POLR1H: variants seen among roughly 807,000 people sequenced by gnomAD.
POLR1H encodes DNA-directed RNA polymerase I subunit RPA12.
Under a neutral mutation model 15.8 loss-of-function variants are expected in POLR1H, and 5 were observed. The observed-to-expected ratio is 0.32, with a 90% CI of 0.17 to 0.67. The LOEUF is 0.67. Among genes scored for constraint, POLR1H ranks in the 30% least tolerant of loss-of-function variants. POLR1H has a pLI of 0.74. For synonymous variants in POLR1H, 43 were observed against 58.3 expected (o/e 0.74, Z 1.20); for missense variants, 100 against 163.4 (o/e 0.61, Z 2.11).
At position 30,063,739 on chromosome 6, in the gene POLR1H, C is replaced by T. The variant is rs1198515024; in HGVS notation, c.357-934C>T. Among the ~76,000 whole-genome samples the T allele has an allele frequency of 6.6e-6, 1 of 152,036 alleles. No homozygotes were observed. Among genetic ancestry groups the T allele is most frequent in the African/African-American group, 2.4e-5 (1 of 41,386 alleles). On this transcript the variant is annotated intron_variant, in intron 3 of 3. Coordinates refer to ENST00000332435, the MANE Select transcript of POLR1H (RefSeq NM_170783.4). The surrounding 1 kb of genome is among the most constrained non-coding windows in gnomAD (Gnocchi z 4.1). The stretch of plus-strand genomic sequence containing the variant: ...AGGCCTTGGGCGAGTGCTGTATTCT[C>T]AGCATTTGTGTTTCTTTTCTAGGTG...
In POLR1H at chr6:30,062,280, G is replaced by A. The variant is rs10745; in HGVS notation, c.303G>A (p.Gln101=). Residue 101 remains glutamine, a synonymous_variant, in exon 3 of 4, where the codon CAG becomes CAA. Transcript: ENST00000332435. ...GHEGMAYHTR[Q]MRSADEGQTV... ...AAGGAATGGCATACCACACCAGACA[G>A]ATGCGTTCAGCCGATGAAGGGCAAA... 0.049 allele frequency: 78,973 copies of A among 1,612,958 alleles called. 2,395 individuals carry two copies. Among genetic ancestry groups the A allele is most frequent in the East Asian group, 0.07 (3,120 of 44,878 alleles).
In POLR1H at chr6:30,061,690, G is replaced by T; in HGVS notation, c.145+21G>T. 3 of 1,612,200 alleles carry T rather than the reference G, an allele frequency of 1.9e-6. No homozygotes were observed. The highest frequency in any genetic ancestry group is 2.5e-6 in the Non-Finnish European group (3 of 1,179,356). Reference sequence around the variant, plus strand: ...TCGGGGTGAGAGGCTTGTACGCAGGGGTCCTGGCGGAGGGCGCAGGGTCGG... The same window carrying T: ...TCGGGGTGAGAGGCTTGTACGCAGGTGTCCTGGCGGAGGGCGCAGGGTCGG... On this transcript the variant is annotated intron_variant, in intron 1 of 3. Transcript: ENST00000332435. This position sits in a 1 kb window ranked among gnomAD's most constrained non-coding sequence, Gnocchi z 5.0.
At chr6:30,062,474 G>T in intron 3 of POLR1H, 141 bp downstream of exon 3, 4 of 498,758 alleles carry the variant, frequency 8.0e-6, no homozygotes, top group South Asian at 6.3e-5. Context: ...GAGATTTGTA[G>T]TTGTTTTTTA....
upstream of POLR1H, chr6:30,060,812 C>G (rs1325447401): frequency 2.0e-5 from 3 of 152,244 alleles, no homozygotes; most frequent in Non-Finnish European, 1.5e-5. Flanking sequence ...CCACGCTCGC[C>G]AGCGGGACCC....
rs979568011 is a variant in POLR1H at position 30,063,032 on chromosome 6, T to G, written c.356+699T>G. Among the ~76,000 whole-genome samples, 1 of 152,142 alleles carries G rather than the reference T, an allele frequency of 6.6e-6. No homozygotes were observed. Among genetic ancestry groups the G allele is most frequent in the Non-Finnish European group, 1.5e-5 (1 of 68,020 alleles). On this transcript the variant is annotated intron_variant, in intron 3 of 3. Transcript: ENST00000332435. The surrounding 1 kb of genome is among the most constrained non-coding windows in gnomAD (Gnocchi z 4.1). ...CATGACTTAGAGAACATGGGCTTTCTGAATGCTTTTAAGACCTCATTTTTG... is the reference window on the plus strand; with the variant it reads ...CATGACTTAGAGAACATGGGCTTTCGGAATGCTTTTAAGACCTCATTTTTG...
At position 30,061,726 on chromosome 6, in the gene POLR1H, A is replaced by T; in HGVS notation, c.145+57A>T. 3 of 1,607,718 alleles carry T rather than the reference A, an allele frequency of 1.9e-6. No individual in the cohort carries two copies. The Admixed American group carries it at 5.0e-5, about 27-fold the overall frequency. ...AGGGCGCAGGGTCGGAAGCTTGGGG[A>T]ACTCAAGATCGGTTGGGTTGAGGAG... On this transcript the variant is annotated intron_variant, in intron 1 of 3. Coordinates refer to ENST00000332435, the MANE Select transcript of POLR1H (RefSeq NM_170783.4). This position sits in a 1 kb window ranked among gnomAD's most constrained non-coding sequence, Gnocchi z 5.0.
Position 30,062,349 on chromosome 6 carries a change from C to T in POLR1H, c.356+16C>T, listed in dbSNP as rs1255740155. On this transcript the variant is annotated intron_variant, in intron 3 of 3. Coordinates refer to ENST00000332435, the MANE Select transcript of POLR1H (RefSeq NM_170783.4). ...CCAACTGCAAGTGAGTATTCTTTCCCCTCCCTCTGCTCAGTCTGTTTGCTA... is the reference window on the plus strand; with the variant it reads ...CCAACTGCAAGTGAGTATTCTTTCCTCTCCCTCTGCTCAGTCTGTTTGCTA... 5 of 1,525,960 alleles carry T rather than the reference C, an allele frequency of 3.3e-6. No individual in the cohort carries two copies. The highest frequency in any genetic ancestry group is 4.5e-6 in the Non-Finnish European group (5 of 1,100,828). The allele number at this position is 1,525,960 out of a possible 1,614,324, so 94.5% of individuals were successfully genotyped here.
chr6:30,062,343 CT>C lies in POLR1H; in HGVS notation c.356+13del, dbSNP rs1427742099. On this transcript the variant is annotated intron_variant, in intron 3 of 3. Transcript: ENST00000332435. ...CCTGTACCAACTGCAAGTGAGTATT[CT>C]TTCCCCTCCCTCTGCTCAGTCTGTT... 1.3e-6 allele frequency: 2 copies of C among 1,545,750 alleles called. No homozygotes were observed. The highest frequency in any genetic ancestry group is 2.2e-5 in the South Asian group (2 of 89,722).
At chr6:30,062,947 T>A (rs1765234273) in intron 3 of POLR1H, among the ~76,000 whole-genome samples, 1 of 151,734 alleles carries the variant, frequency 6.6e-6, no homozygotes, top group Non-Finnish European at 1.5e-5. Flanking sequence ...GTGGTCAGCA[T>A]CTTATACTGC....
Position 30,061,660 on chromosome 6 carries a change from A to C in POLR1H, c.136A>C (p.Asn46His), listed in dbSNP as rs745455354. The C allele has an allele frequency of 1.2e-6, 2 of 1,612,842 alleles. No individual in the cohort carries two copies. The highest frequency in any genetic ancestry group is 1.7e-6 in the Non-Finnish European group (2 of 1,180,006). ...VTCIRCGFNINVRDFEGKVVK... is the reference protein window; with the variant it reads ...VTCIRCGFNIHVRDFEGKVVK... ...CTGTATTCGCTGTGGCTTCAACATCAACGTTCGGGGTGAGAGGCTTGTACG... is the reference window on the plus strand; with the variant it reads ...CTGTATTCGCTGTGGCTTCAACATCCACGTTCGGGGTGAGAGGCTTGTACG... The change falls in exon 1 of 4, where the codon AAC becomes CAC. Residue 46 changes from asparagine (N) to histidine (H), a missense_variant. By Grantham distance (68) the Asn-to-His change is moderately conservative. Coordinates refer to ENST00000332435, the MANE Select transcript of POLR1H (RefSeq NM_170783.4). The surrounding 1 kb of genome is among the most constrained non-coding windows in gnomAD (Gnocchi z 5.0).
intron 2 of POLR1H, 80 bp downstream of exon 2, chr6:30,062,097 T>C: frequency 6.8e-7 from 1 of 1,479,624 alleles, no homozygotes; most frequent in Non-Finnish European, 9.4e-7. Context: ...CTCTGGAGAG[T>C]TTTGTGCCCA....
At position 30,061,681 on chromosome 6, in the gene POLR1H, G is replaced by C. The variant is rs376928601; in HGVS notation, c.145+12G>C. On this transcript the variant is annotated intron_variant, in intron 1 of 3. Transcript: ENST00000332435. This position sits in a 1 kb window ranked among gnomAD's most constrained non-coding sequence, Gnocchi z 5.0. ...CATCAACGTTCGGGGTGAGAGGCTTGTACGCAGGGGTCCTGGCGGAGGGCG... is the reference window on the plus strand; with the variant it reads ...CATCAACGTTCGGGGTGAGAGGCTTCTACGCAGGGGTCCTGGCGGAGGGCG... The C allele has an allele frequency of 6.4e-5, 103 of 1,612,826 alleles. No homozygotes were observed. The African/African-American group carries it at 1.2e-3, about 19-fold the overall frequency.
chr6:30,062,520 A>T (rs1208376159), intron 3 of POLR1H, among the ~76,000 whole-genome samples, 187 bp downstream of exon 3: 1 of 144,694 alleles, frequency 6.9e-6, no homozygotes, highest in Non-Finnish European at 1.5e-5. Context: ...CCTTTTTATA[A>T]CCAGTGAAAT....
chr6:30,061,542 C>T lies in POLR1H; in HGVS notation c.18C>T (p.Leu6=), dbSNP rs1406081706. 1 of 1,613,126 alleles carries T rather than the reference C, an allele frequency of 6.2e-7. No individual in the cohort carries two copies. The highest frequency in any genetic ancestry group is 2.2e-5 in the East Asian group (1 of 44,884). Residue 6 remains leucine, a synonymous_variant, in exon 1 of 4, where the codon CTC becomes CTT. Transcript: ENST00000332435. This position sits in a 1 kb window ranked among gnomAD's most constrained non-coding sequence, Gnocchi z 5.0. MSVMD[L]ANTCSSFQSD... is the part of the protein sequence containing the mutation. ...CCGACCGCATGTCTGTCATGGACCT[C>T]GCCAATACTTGCTCCAGCTTTCAGT...
chr6:30,061,505 C>T lies in POLR1H; in HGVS notation c.-20C>T. The T allele has an allele frequency of 6.2e-7, 1 of 1,611,716 alleles. No homozygotes were observed. The highest frequency in any genetic ancestry group is 8.5e-7 in the Non-Finnish European group (1 of 1,179,130). ...CTCTTTTGTTAATAAACTTCCAACT[C>T]CCTCCTCAGACCCGACCGCATGTCT... On this transcript the variant is annotated 5_prime_UTR_variant, in exon 1 of 4. Coordinates refer to ENST00000332435, the MANE Select transcript of POLR1H (RefSeq NM_170783.4). This position sits in a 1 kb window ranked among gnomAD's most constrained non-coding sequence, Gnocchi z 5.0.
chr6:30,062,090 T>C (rs1258962252), intron 2 of POLR1H, 73 bp downstream of exon 2: 1 of 1,512,664 alleles, frequency 6.6e-7, no homozygotes, highest in Non-Finnish European at 9.2e-7. Context: ...TGCAAAGCTC[T>C]GGAGAGTTTT....
Position 30,061,564 on chromosome 6 carries a change from CA to C in POLR1H, c.41del (p.Gln14ArgfsTer42), listed in dbSNP as rs745860436. ...MDLANTCSSFQSDLDFCSDCG... is the reference protein window; with the variant it reads ...MDLANTCSSFXSDLDFCSDCG... The stretch of plus-strand genomic sequence containing the variant: ...CCTCGCCAATACTTGCTCCAGCTTT[CA>C]GTCGGACCTGGATTTCTGTTCAGAT... On this transcript the variant is annotated frameshift_variant, in exon 1 of 4. Coordinates refer to ENST00000332435, the MANE Select transcript of POLR1H (RefSeq NM_170783.4). LOFTEE classifies it high-confidence loss of function. The surrounding 1 kb of genome is among the most constrained non-coding windows in gnomAD (Gnocchi z 5.0). The C allele has an allele frequency of 6.2e-7, 1 of 1,613,140 alleles. No homozygotes were observed. The highest frequency in any genetic ancestry group is 1.3e-5 in the African/African-American group (1 of 75,070).
Position 30,064,721 on chromosome 6 carries a change from G to A in POLR1H, c.*24G>A. The A allele has an allele frequency of 6.2e-7, 1 of 1,606,288 alleles. No individual in the cohort carries two copies. Reference sequence around the variant, plus strand: ...GACCTTTTTCCTGGGCAACTCTACAGTCCCTCCCTCCTTTCGGAAGGTGAA... The same window carrying A: ...GACCTTTTTCCTGGGCAACTCTACAATCCCTCCCTCCTTTCGGAAGGTGAA... On this transcript the variant is annotated 3_prime_UTR_variant, in exon 4 of 4. Transcript: ENST00000332435.
At position 30,061,816 on chromosome 6, in the gene POLR1H, G is replaced by A. The variant is rs1765098968; in HGVS notation, c.146-101G>A. 3 of 1,548,718 alleles carry A rather than the reference G, an allele frequency of 1.9e-6. No homozygotes were observed. Among genetic ancestry groups the A allele is most frequent in the Non-Finnish European group, 2.7e-6 (3 of 1,131,226 alleles). On this transcript the variant is annotated intron_variant, in intron 1 of 3. Coordinates refer to ENST00000332435, the MANE Select transcript of POLR1H (RefSeq NM_170783.4). The surrounding 1 kb of genome is among the most constrained non-coding windows in gnomAD (Gnocchi z 5.0). ...TCTAGCGATGAAAACTGAGGGAAAG[G>A]ATGTAGGGCCTCCTGGCCTAACCAG...
Sources: allele counts gnomAD v4.1 joint callset (sites outside exome capture counted in the v4.1 genomes callset), GRCh38; gene constraint gnomAD v4.1.1; non-coding constraint Gnocchi (gnomAD v3.1); transcripts MANE v1.5; gene names NCBI Gene and HGNC (gene_info 2026-07-23, HGNC 2026-07-21).